CDH13: variants seen among roughly 807,000 people sequenced by gnomAD.
The protein encoded by CDH13 is cadherin 13.
A neutral mutation model predicts 63.8 loss-of-function variants in CDH13; 24 were observed. That is an observed-to-expected ratio of 0.38 (90% CI 0.27 to 0.53). The LOEUF is 0.53. Ranked by LOEUF, CDH13 falls within the 20% of genes least tolerant of loss-of-function variation. The pLI is 0.85. For synonymous variants in CDH13, 503 were observed against 355.3 expected, an observed-to-expected ratio of 1.42 and a Z score of -4.67; for missense variants, 1,049 against 903.1, an observed-to-expected ratio of 1.16 and a Z score of -2.07.
chr16:82,953,422 G>A (rs1249834680), intron 2 of CDH13: 4 of 152,128 alleles, frequency 2.6e-5, no homozygotes, highest in African/African-American at 9.7e-5. Context: ...GGCAATGAAG[G>A]TCTGCAAGCT....
chr16:83,533,779 C>A (rs1407409123), intron 7 of CDH13, among the ~76,000 whole-genome samples: 1 of 151,874 alleles, frequency 6.6e-6, no homozygotes, highest in African/African-American at 2.4e-5. Context: ...CACCACCACG[C>A]CCAGCTAATT....
intron 1 of CDH13, among the ~76,000 whole-genome samples, chr16:82,635,714 G>T (rs1226970557): frequency 6.6e-6 from 1 of 152,164 alleles, no homozygotes; most frequent in Non-Finnish European, 1.5e-5. Flanking sequence ...GATTGAAGTA[G>T]ACTGATATGG....
chr16:83,487,570 C>G (rs1432485845), intron 7 of CDH13, among the ~76,000 whole-genome samples: 1 of 152,144 alleles, frequency 6.6e-6, no homozygotes, highest in Non-Finnish European at 1.5e-5. Flanking sequence ...GTAGAAGACC[C>G]TCGCGGACCT....
chr16:82,675,132 G>A (rs938078398), intron 1 of CDH13, among the ~76,000 whole-genome samples: 11 of 152,052 alleles, frequency 7.2e-5, no homozygotes, highest in South Asian at 2.1e-4. Flanking sequence ...CTTAAAAATC[G>A]TATTGGATAA....
At chr16:83,442,261 G>C (rs1331135360) in intron 6 of CDH13, among the ~76,000 whole-genome samples, 1 of 152,190 alleles carries the variant, frequency 6.6e-6, no homozygotes, top group Non-Finnish European at 1.5e-5. Context: ...GGTATTTGAG[G>C]TAGATGAACT....
intron 11 of CDH13, 110 bp downstream of exon 11, chr16:83,748,360 G>T (rs931977864): frequency 1.0e-6 from 1 of 974,876 alleles, no homozygotes. Flanking sequence ...AAGAATGTAA[G>T]TGTGTGGGAA....
chr16:83,652,187 A>C (rs930040721), intron 8 of CDH13, among the ~76,000 whole-genome samples: 2 of 152,256 alleles, frequency 1.3e-5, no homozygotes, highest in Non-Finnish European at 2.9e-5. Flanking sequence ...GTGCAAACAC[A>C]GAGAATGGAT....
chr16:82,806,197 G>T (rs1196661727), intron 1 of CDH13, among the ~76,000 whole-genome samples: 2 of 152,152 alleles, frequency 1.3e-5, no homozygotes, highest in East Asian at 3.9e-4. Context: ...AACTGGGCTT[G>T]GAGATGCAGC....
intron 7 of CDH13, among the ~76,000 whole-genome samples, chr16:83,503,039 C>A (rs1437152954): frequency 6.6e-6 from 1 of 152,182 alleles, no homozygotes; most frequent in African/African-American, 2.4e-5. Flanking sequence ...TACATAAATC[C>A]AGCCTTACAA....
chr16:83,068,599 A>G (rs911522335), intron 3 of CDH13, among the ~76,000 whole-genome samples: 4 of 152,142 alleles, frequency 2.6e-5, no homozygotes, highest in African/African-American at 4.8e-5. Context: ...CATTCTTCTG[A>G]CTTCCCAATA....
chr16:83,323,174 T>TCTTTTCTTTC lies in CDH13; in HGVS notation c.637-21688_637-21687insCTTTTCTTTC, dbSNP rs1555530162. Among the ~76,000 whole-genome samples, 478 of 82,272 alleles carry TCTTTTCTTTC rather than the reference T, an allele frequency of 5.8e-3. 1 individual carries two copies. The highest frequency in any genetic ancestry group is 7.3e-3 in the East Asian group (19 of 2,618). The allele number at this position is 82,272 out of a possible 152,430, so 54.0% of individuals were successfully genotyped here. On this transcript the variant is annotated intron_variant, in intron 5 of 13. Transcript: ENST00000567109. The stretch of plus-strand genomic sequence containing the variant: ...ACTTCTTTCTTTCTTTCTCTTTCTT[T>TCTTTTCTTTC]TTTCTTTCTTTCTTTCTTTCTTTCT...
intron 2 of CDH13, among the ~76,000 whole-genome samples, chr16:82,949,579 A>G (rs1389306712): frequency 6.6e-6 from 1 of 152,148 alleles, no homozygotes; most frequent in Non-Finnish European, 1.5e-5. Context: ...GTTTTTTATA[A>G]TGATCTTTTC....
At chr16:83,487,957 C>A (rs193263609) in intron 7 of CDH13, among the ~76,000 whole-genome samples, 59 of 152,356 alleles carry the variant, frequency 3.9e-4, no homozygotes, top group Middle Eastern at 6.8e-3. Flanking sequence ...CCATCTCTGA[C>A]TACTCTTGCC....
chr16:83,374,964 C>G (rs2091434960), intron 6 of CDH13, among the ~76,000 whole-genome samples: 1 of 152,080 alleles, frequency 6.6e-6, no homozygotes, highest in African/African-American at 2.4e-5. Context: ...TTTTGATAAC[C>G]GTGGGGATTT....
intron 6 of CDH13, among the ~76,000 whole-genome samples, chr16:83,376,887 C>T (rs1047090498): frequency 1.3e-5 from 2 of 152,120 alleles, no homozygotes; most frequent in African/African-American, 4.8e-5. Flanking sequence ...CTGTCTCTTG[C>T]AACGTTCACT....
chr16:83,635,169 T>C (rs1911141912), intron 8 of CDH13, among the ~76,000 whole-genome samples: 1 of 152,150 alleles, frequency 6.6e-6, no homozygotes, highest in African/African-American at 2.4e-5. Context: ...ATGATGTTAA[T>C]TTGCATCTCC....
chr16:82,693,405 A>T (rs1254511099), intron 1 of CDH13, among the ~76,000 whole-genome samples: 2 of 151,876 alleles, frequency 1.3e-5, no homozygotes, highest in Non-Finnish European at 2.9e-5. Flanking sequence ...TGTGCAGGAC[A>T]TATCTGTGCA....
intron 7 of CDH13, among the ~76,000 whole-genome samples, chr16:83,600,449 G>A (rs182983547): frequency 2.0e-5 from 3 of 152,276 alleles, no homozygotes; most frequent in East Asian, 1.9e-4. Flanking sequence ...GCAATGAATG[G>A]TGTCCCTATG....
At chr16:83,203,454 A>C (rs2039090494) in intron 4 of CDH13, among the ~76,000 whole-genome samples, 2 of 152,018 alleles carry the variant, frequency 1.3e-5, no homozygotes, top group Non-Finnish European at 2.9e-5. Flanking sequence ...TCGGAGGCCA[A>C]GGCGGGCGGA....
Sources: allele counts gnomAD v4.1 joint callset (sites outside exome capture counted in the v4.1 genomes callset), GRCh38; gene constraint gnomAD v4.1.1; transcripts MANE v1.5; gene names NCBI Gene and HGNC (gene_info 2026-07-23, HGNC 2026-07-21).